The following ASCC1 variants were observed in gnomAD, a reference collection of about 807,000 sequenced individuals.
ASCC1 encodes the protein ASC-1 complex subunit P50.
A neutral mutation model predicts 46.6 loss-of-function variants in ASCC1; 35 were observed. The observed-to-expected ratio is 0.75, with a 90% CI of 0.57 to 0.99. The LOEUF (loss-of-function observed/expected upper bound fraction) is 0.99. Among genes scored for constraint, ASCC1 ranks in the 50% least tolerant of loss-of-function variants. The pLI, the probability that ASCC1 is intolerant of heterozygous loss-of-function variation, is 0.00. For missense variants in ASCC1, 376 were observed against 428.7 expected (o/e 0.88, Z 1.09); for synonymous variants, 143 against 146.6 (o/e 0.98, Z 0.18).
At chr10:72,132,259 C>A (rs1481581568) in intron 8 of ASCC1, among the ~76,000 whole-genome samples, 1 of 152,052 alleles carries the variant, frequency 6.6e-6, no homozygotes, top group Admixed American at 6.6e-5. Context: ...GTATTTTGAA[C>A]CACGAGTCTT....
intron 9 of ASCC1, among the ~76,000 whole-genome samples, chr10:72,107,496 G>A (rs966332149): frequency 2.0e-5 from 3 of 152,022 alleles, no homozygotes; most frequent in South Asian, 2.1e-4. Context: ...CACCACATCC[G>A]GGGTCAAAAA....
intron 6 of ASCC1, among the ~76,000 whole-genome samples, chr10:72,156,600 A>G (rs567121297): frequency 4.1e-4 from 62 of 152,082 alleles, no homozygotes; most frequent in South Asian, 2.9e-3. Flanking sequence ...GTGAAACCCC[A>G]TCTCTACTAA....
At chr10:72,139,529 G>C (rs1214337213) in intron 7 of ASCC1, among the ~76,000 whole-genome samples, 1 of 152,016 alleles carries the variant, frequency 6.6e-6, no homozygotes. Context: ...AATATAACAG[G>C]GTTGCTATGA....
rs1259547397 is a variant in ASCC1, at chr10:72,191,110, T to C, written c.489+5701A>G. 3.4e-5 allele frequency among the ~76,000 whole-genome samples: 5 copies of C among 148,542 alleles called. No individual in the cohort carries two copies. In the East Asian group the frequency reaches 1.0e-3, roughly 30 times the overall value. On this transcript the variant is annotated intron_variant, in intron 5 of 9. Transcript: ENST00000672957. ...TCTCGCTCTGTCGCCCAGGCTGGAG[T>C]GCAGTGGCGCGATCTCGGCTCACTG...
intron 5 of ASCC1, among the ~76,000 whole-genome samples, chr10:72,186,113 A>G (rs1232202583): frequency 6.6e-6 from 1 of 151,900 alleles, no homozygotes; most frequent in Non-Finnish European, 1.5e-5. Context: ...GAAATATCAT[A>G]CGTATTAATT....
At position 72,208,767 on chromosome 10, in the gene ASCC1, A is replaced by ATG. The variant is rs57724546; in HGVS notation, c.212+1963_212+1964dup. 7.9e-4 allele frequency among the ~76,000 whole-genome samples: 120 copies of ATG among 151,290 alleles called. No individual in the cohort carries two copies. The East Asian group carries it at 0.017, about 21-fold the overall frequency. ...AGAGTAAGACTCCATCTCAAAAAAA[A>ATG]TGTGTGTGTGTGTGTGTTTGTGTGT... On this transcript the variant is annotated intron_variant, in intron 3 of 9. Coordinates refer to ENST00000672957, the MANE Select transcript of ASCC1 (RefSeq NM_001198800.3).
At chr10:72,151,561 T>C (rs1240532764) in intron 7 of ASCC1, among the ~76,000 whole-genome samples, 2 of 152,080 alleles carry the variant, frequency 1.3e-5, no homozygotes, top group South Asian at 2.1e-4. Flanking sequence ...AACCTGAACA[T>C]TGTGCACATG....
intron 6 of ASCC1, among the ~76,000 whole-genome samples, chr10:72,160,927 C>G (rs1329093784): frequency 6.6e-6 from 1 of 151,380 alleles, no homozygotes; most frequent in Non-Finnish European, 1.5e-5. Flanking sequence ...ACTAAAAATA[C>G]AAAAAATTAG....
At chr10:72,170,352 T>A (rs887109338) in intron 5 of ASCC1, among the ~76,000 whole-genome samples, 3 of 152,064 alleles carry the variant, frequency 2.0e-5, no homozygotes, top group Non-Finnish European at 4.4e-5. Flanking sequence ...GGACACATTA[T>A]CACCTATGCA....
At chr10:72,128,923 CCT>C (rs1845219104) in intron 8 of ASCC1, among the ~76,000 whole-genome samples, 1 of 152,156 alleles carries the variant, frequency 6.6e-6, no homozygotes, top group African/African-American at 2.4e-5. Flanking sequence ...TTCAAAGCAT[CCT>C]CAAGAATTAA....
At chr10:72,108,633 C>G (rs1317749989) in intron 9 of ASCC1, among the ~76,000 whole-genome samples, 1 of 152,198 alleles carries the variant, frequency 6.6e-6, no homozygotes, top group Non-Finnish European at 1.5e-5. Context: ...GAGTTCTGAT[C>G]CTTTCCATTA....
At chr10:72,126,637 T>G (rs1017204882) in intron 9 of ASCC1, among the ~76,000 whole-genome samples, 1 of 152,240 alleles carries the variant, frequency 6.6e-6, no homozygotes, top group Non-Finnish European at 1.5e-5. Context: ...TTTGAGCCAT[T>G]CCTAAAGATT....
intron 9 of ASCC1, among the ~76,000 whole-genome samples, chr10:72,127,643 G>A (rs372748128): frequency 6.7e-6 from 1 of 149,792 alleles, no homozygotes; most frequent in African/African-American, 2.5e-5. Context: ...GAATCCAAGT[G>A]GTTGGAATAC....
intron 5 of ASCC1, among the ~76,000 whole-genome samples, chr10:72,180,179 T>C (rs1158641757): frequency 6.6e-6 from 1 of 151,940 alleles, no homozygotes; most frequent in Non-Finnish European, 1.5e-5. Flanking sequence ...ACCAGGAGGC[T>C]GAGGCATAAG....
intron 5 of ASCC1, among the ~76,000 whole-genome samples, chr10:72,181,852 A>AT (rs1244772429): frequency 6.6e-6 from 1 of 151,850 alleles, no homozygotes; most frequent in Non-Finnish European, 1.5e-5. Flanking sequence ...CACCCAGCTA[A>AT]TTTTTGTATT....
intron 3 of ASCC1, among the ~76,000 whole-genome samples, chr10:72,205,474 T>C (rs1857072007): frequency 6.6e-6 from 1 of 151,496 alleles, no homozygotes; most frequent in African/African-American, 2.4e-5. Flanking sequence ...CCACTAAAAA[T>C]ACAAAAATTA....
intron 5 of ASCC1, among the ~76,000 whole-genome samples, chr10:72,179,397 T>C (rs1171149859): frequency 6.6e-6 from 1 of 152,232 alleles, no homozygotes; most frequent in East Asian, 1.9e-4. Context: ...AAGATTGGTA[T>C]AGTTGGTTAG....
chr10:72,187,733 A>AAAAC (rs1467346551), intron 5 of ASCC1, among the ~76,000 whole-genome samples: 1 of 150,764 alleles, frequency 6.6e-6, no homozygotes, highest in East Asian at 1.9e-4. Flanking sequence ...AAAAAAAAAA[A>AAAAC]AAAAAAAAAC....
intron 5 of ASCC1, among the ~76,000 whole-genome samples, chr10:72,167,843 GC>G (rs1850562483): frequency 1.3e-5 from 2 of 151,838 alleles, no homozygotes; most frequent in Admixed American, 6.6e-5. Flanking sequence ...TCATTATGTT[GC>G]CCAGGCTGGT....
Sources: allele counts gnomAD v4.1 joint callset (sites outside exome capture counted in the v4.1 genomes callset), GRCh38; gene constraint gnomAD v4.1.1; transcripts MANE v1.5; gene names NCBI Gene and HGNC (gene_info 2026-07-23, HGNC 2026-07-21).